ACSM5: variants seen among roughly 807,000 people sequenced by gnomAD.
ACSM5 encodes the protein acyl-CoA synthetase medium chain family member 5, also known as acyl-coenzyme A synthetase ACSM5, mitochondrial.
ACSM5 carries 56 observed loss-of-function variants against 71.6 expected under a neutral mutation model. The observed-to-expected ratio is 0.78, with a 90% CI of 0.63 to 0.98. ACSM5 has a LOEUF of 0.98. Ranked by LOEUF, ACSM5 falls within the 50% of genes least tolerant of loss-of-function variation. The pLI is 0.00. For synonymous variants in ACSM5, 285 were observed against 281.5 expected (o/e 1.01, Z -0.12); for missense variants, 723 against 726.0 (o/e 1.00, Z 0.05).
In ACSM5 at chr16:20,424,175, G is replaced by A; in HGVS notation, c.921+106G>A. The A allele has an allele frequency of 1.1e-5, 15 of 1,416,968 alleles. 1 individual carries two copies. The South Asian group carries it at 2.0e-4, about 19-fold the overall frequency. The allele number at this position is 1,416,968 out of a possible 1,614,324, so 87.8% of individuals were successfully genotyped here. On this transcript the variant is annotated intron_variant, in intron 6 of 13. Transcript: ENST00000331849. Reference sequence around the variant, plus strand: ...AAAACACATAAATCAGTGAATTTAAGGCTTCTTTGGTGTGGCTCCCTGGCC... The same window carrying A: ...AAAACACATAAATCAGTGAATTTAAAGCTTCTTTGGTGTGGCTCCCTGGCC...
In ACSM5 at chr16:20,419,917, C is replaced by T. The variant is rs34358043; in HGVS notation, c.623+482C>T. ...GAACACCATAATGGATCAAACATCA[C>T]CTTATTTAATCCCTGAACAGGACAT... On this transcript the variant is annotated intron_variant, in intron 4 of 13. Transcript: ENST00000331849. The T allele has an allele frequency of 1.6e-4, 31 of 189,696 alleles. No homozygotes were observed. In the South Asian group the frequency reaches 2.6e-3, roughly 16 times the overall value. The allele number at this position is 189,696 out of a possible 1,614,324, so 11.8% of individuals were successfully genotyped here.
At chr16:20,413,845 A>T (rs181622311) in intron 2 of ACSM5, among the ~76,000 whole-genome samples, 29 of 152,286 alleles carry the variant, frequency 1.9e-4, no homozygotes, top group African/African-American at 6.7e-4. Context: ...CCCAACACCC[A>T]CCCAAAGACT....
chr16:20,421,872 C>T lies in ACSM5; in HGVS notation c.767+471C>T, dbSNP rs574806178. On this transcript the variant is annotated intron_variant, in intron 5 of 13. Transcript: ENST00000331849. The stretch of plus-strand genomic sequence containing the variant: ...CCCAATAACACCCCATTACCCTCTC[C>T]CCTCACCCCTGGTAACCTCTATTTT... Among the ~76,000 whole-genome samples the T allele has an allele frequency of 4.0e-5, 6 of 151,480 alleles. No individual in the cohort carries two copies. The South Asian group carries it at 1.2e-3, about 32-fold the overall frequency.
rs1410097593 is a variant in ACSM5, at chr16:20,440,452, G to C, written c.*25G>C. On this transcript the variant is annotated 3_prime_UTR_variant, in exon 14 of 14. Coordinates refer to ENST00000331849, the MANE Select transcript of ACSM5 (RefSeq NM_017888.3). ...AGGTGCACCCCAGGAAGGCCCCGTA[G>C]ACCTCCGAAGACTCCACAAGAAACT... The C allele has an allele frequency of 1.3e-6, 2 of 1,580,812 alleles. No individual in the cohort carries two copies. The highest frequency in any genetic ancestry group is 2.2e-5 in the East Asian group (1 of 44,782).
At chr16:20,418,367 T>C (rs111382585) in intron 3 of ACSM5, 98 bp downstream of exon 3, 46,178 of 1,225,262 alleles carry the variant, frequency 0.038, 1,069 homozygotes, top group South Asian at 0.069. Flanking sequence ...AAAAATAAAC[T>C]GTATGTGGAG....
intron 10 of ACSM5, among the ~76,000 whole-genome samples, chr16:20,432,873 T>TTTTTTTTTTTTTTAA: frequency 7.1e-6 from 1 of 141,362 alleles, no homozygotes. Flanking sequence ...TTTTTTTTTT[T>TTTTTTTTTTTTTTAA]GTGACAGTGT....
chr16:20,429,770 A>G lies in ACSM5; in HGVS notation c.1094A>G (p.Glu365Gly), dbSNP rs1967057853. ...AAGTGGAAACACCAGACTGGTGTGG[A>G]GCTGTACGAAGGCTATGGCCAGTCT... ...REKWKHQTGV[E>G]LYEGYGQSET... The change falls in exon 8 of 14, where the codon GAG (glutamate) becomes GGG (glycine). Residue 365 changes from glutamate to glycine, a missense_variant. Coordinates refer to ENST00000331849, the MANE Select transcript of ACSM5 (RefSeq NM_017888.3). The G allele has an allele frequency of 6.2e-7, 1 of 1,611,696 alleles. No homozygotes were observed. The highest frequency in any genetic ancestry group is 1.3e-5 in the African/African-American group (1 of 74,832).
chr16:20,438,117 C>T (rs71384451), intron 12 of ACSM5, among the ~76,000 whole-genome samples: 11,154 of 151,862 alleles, frequency 0.073, 755 homozygotes, highest in East Asian at 0.19. Context: ...CGTGAGTCAC[C>T]GTGCCCGGCT....
At position 20,429,776 on chromosome 16, in the gene ACSM5, A is replaced by G; in HGVS notation, c.1100A>G (p.Tyr367Cys). Residue 367 changes from tyrosine (Y) to cysteine (C), a missense_variant, in exon 8 of 14, where the codon TAC becomes TGC. Physicochemically the swap from Tyr to Cys is radical, Grantham distance 194. Coordinates refer to ENST00000331849, the MANE Select transcript of ACSM5 (RefSeq NM_017888.3). ...KWKHQTGVELYEGYGQSETVV... is the reference protein window; with the variant it reads ...KWKHQTGVELCEGYGQSETVV... Reference sequence around the variant, plus strand: ...AAACACCAGACTGGTGTGGAGCTGTACGAAGGCTATGGCCAGTCTGAAACG... The same window carrying G: ...AAACACCAGACTGGTGTGGAGCTGTGCGAAGGCTATGGCCAGTCTGAAACG... The G allele has an allele frequency of 1.2e-6, 2 of 1,612,498 alleles. No homozygotes were observed. Among genetic ancestry groups the G allele is most frequent in the Non-Finnish European group, 1.7e-6 (2 of 1,179,718 alleles).
At position 20,419,274 on chromosome 16, in the gene ACSM5, C is replaced by G; in HGVS notation, c.462C>G (p.Leu154=). ...PGVTQLTEKD[L]KYRLQASRAK... ...TGACTCAGCTGACAGAGAAGGACCTCAAGTACCGGCTGCAGGCGTCCAGGG... is the reference window on the plus strand; with the variant it reads ...TGACTCAGCTGACAGAGAAGGACCTGAAGTACCGGCTGCAGGCGTCCAGGG... The change falls in exon 4 of 14, where the codon CTC becomes CTG. Residue 154 remains leucine (L), a synonymous_variant. Transcript: ENST00000331849. 4 of 1,614,110 alleles carry G rather than the reference C, an allele frequency of 2.5e-6. No individual in the cohort carries two copies. The highest frequency in any genetic ancestry group is 2.5e-6 in the Non-Finnish European group (3 of 1,180,002).
At chr16:20,421,662 CACACAT>C (rs1966885838) in intron 5 of ACSM5, among the ~76,000 whole-genome samples, 1 of 140,588 alleles carries the variant, frequency 7.1e-6, no homozygotes, top group African/African-American at 2.7e-5. Flanking sequence ...TATATACACA[CACACAT>C]ATATATACAT....
Position 20,437,253 on chromosome 16 carries a change from G to A in ACSM5, c.1437-15G>A, listed in dbSNP as rs1470991358. 6.2e-7 allele frequency: 1 copy of A among 1,614,050 alleles called. No individual in the cohort carries two copies. Among genetic ancestry groups the A allele is most frequent in the African/African-American group, 1.3e-5 (1 of 74,914 alleles). Reference sequence around the variant, plus strand: ...GAGGGAAGCCCACTTGGAAGAGTTTGTTTTTCCCTTCCAGCTACCGGATCG... The same window carrying A: ...GAGGGAAGCCCACTTGGAAGAGTTTATTTTTCCCTTCCAGCTACCGGATCG... On this transcript the variant is annotated splice_polypyrimidine_tract_variant and intron_variant, in intron 11 of 13. Coordinates refer to ENST00000331849, the MANE Select transcript of ACSM5 (RefSeq NM_017888.3).
At chr16:20,423,731 CTAGGGCA>C (rs1352457878) in intron 5 of ACSM5, among the ~76,000 whole-genome samples, 178 bp from the exon 6 acceptor site, 1 of 152,160 alleles carries the variant, frequency 6.6e-6, no homozygotes, top group Non-Finnish European at 1.5e-5. Flanking sequence ...TATTCTTAGC[CTAGGGCA>C]TAGGTACATG....
Position 20,415,171 on chromosome 16 carries a change from G to A in ACSM5, c.205-2888G>A, listed in dbSNP as rs12448082. On this transcript the variant is annotated intron_variant, in intron 2 of 13. Transcript: ENST00000331849. ...AAAGAAATAGACAGAGGAAAGAATT[G>A]TTAAGCAAAAATAGAGCCAGAACCT... 6.1e-3 allele frequency among the ~76,000 whole-genome samples: 925 copies of A among 152,262 alleles called. 16 individuals carry two copies. In the East Asian group the frequency reaches 0.062, roughly 10 times the overall value.
At chr16:20,430,624 G>A (rs1196362018) in intron 8 of ACSM5, among the ~76,000 whole-genome samples, 1 of 151,716 alleles carries the variant, frequency 6.6e-6, no homozygotes, top group Non-Finnish European at 1.5e-5. Flanking sequence ...AAGGGAAAAA[G>A]ATGAATGGAA....
chr16:20,431,951 A>ATAATAATAATACTAATAATAAT (rs1212880644), intron 10 of ACSM5, among the ~76,000 whole-genome samples: 1 of 141,508 alleles, frequency 7.1e-6, no homozygotes. Context: ...TATCAAAAAA[A>ATAATAATAATACTAATAATAAT]AAAAATAATA....
chr16:20,435,623 C>T (rs1967176404), intron 10 of ACSM5, among the ~76,000 whole-genome samples: 1 of 152,178 alleles, frequency 6.6e-6, no homozygotes, highest in African/African-American at 2.4e-5. Flanking sequence ...CAATCCTCTC[C>T]ACTCCAGACC....
chr16:20,439,780 G>A lies in ACSM5; in HGVS notation c.1537-20G>A, dbSNP rs756736538. The A allele has an allele frequency of 4.4e-6, 7 of 1,606,972 alleles. No homozygotes were observed. Among genetic ancestry groups the A allele is most frequent in the Non-Finnish European group, 6.0e-6 (7 of 1,175,032 alleles). On this transcript the variant is annotated intron_variant, in intron 12 of 13. Coordinates refer to ENST00000331849, the MANE Select transcript of ACSM5 (RefSeq NM_017888.3). ...GTTATACGAGGCCTGATCTTTTCTG[G>A]GTATTTTGTTTTCCTGCAGGTGGTA... is the stretch of plus-strand genomic sequence containing the variant.
In ACSM5 at chr16:20,433,231, A is replaced by T. The variant is rs182290756; in HGVS notation, c.1308+1910A>T. 6.8e-4 allele frequency among the ~76,000 whole-genome samples: 103 copies of T among 152,354 alleles called. 1 individual carries two copies. Among genetic ancestry groups the T allele is most frequent in the Middle Eastern group, 6.8e-3 (2 of 294 alleles). On this transcript the variant is annotated intron_variant, in intron 10 of 13. Transcript: ENST00000331849. Reference sequence around the variant, plus strand: ...AATCAGGAAACATGTGAAAATTATTATAGAGGATCTCAGACCAAAATTGTT... The same window carrying T: ...AATCAGGAAACATGTGAAAATTATTTTAGAGGATCTCAGACCAAAATTGTT...
Sources: allele counts gnomAD v4.1 joint callset (sites outside exome capture counted in the v4.1 genomes callset), GRCh38; gene constraint gnomAD v4.1.1; transcripts MANE v1.5; gene names NCBI Gene and HGNC (gene_info 2026-07-23, HGNC 2026-07-21).